MTUS2: variants seen among roughly 807,000 people sequenced by gnomAD.
MTUS2 encodes microtubule associated scaffold protein 2.
A neutral mutation model predicts 114.1 loss-of-function variants in MTUS2; 40 were observed. That is an observed-to-expected ratio of 0.35 (90% CI 0.27 to 0.46). MTUS2 has a LOEUF of 0.46. Ranked by LOEUF, MTUS2 falls within the 20% of genes least tolerant of loss-of-function variation. MTUS2 has a pLI of 1.00. For synonymous variants in MTUS2, 688 were observed against 672.0 expected, an observed-to-expected ratio of 1.02 and a Z score of -0.37; for missense variants, 1,679 against 1,705.4, an observed-to-expected ratio of 0.98 and a Z score of 0.27.
intron 2 of MTUS2, among the ~76,000 whole-genome samples, chr13:28,857,201 A>G (rs1161463): frequency 0.65 from 98,537 of 152,200 alleles, 35,148 homozygotes; most frequent in Non-Finnish European, 0.79. Flanking sequence ...TCTTACAGGG[A>G]ATGTTGTACC....
intron 2 of MTUS2, among the ~76,000 whole-genome samples, chr13:28,914,946 T>C (rs1880665474): frequency 6.6e-6 from 1 of 151,980 alleles, no homozygotes. Flanking sequence ...ATTTACTAGG[T>C]AAATTTCCTC....
chr13:29,346,437 G>A (rs931059273), intron 7 of MTUS2, among the ~76,000 whole-genome samples: 5 of 152,082 alleles, frequency 3.3e-5, no homozygotes, highest in Admixed American at 6.5e-5. Flanking sequence ...TTCCCAGGGG[G>A]ATTATGGCTG....
At chr13:28,866,738 C>G (rs557161353) in intron 2 of MTUS2, among the ~76,000 whole-genome samples, 212 of 151,994 alleles carry the variant, frequency 1.4e-3, no homozygotes, top group African/African-American at 4.3e-3. Flanking sequence ...TGAATTCAGC[C>G]TTTATTTTTG....
intron 8 of MTUS2, among the ~76,000 whole-genome samples, chr13:29,381,794 C>A (rs367547136): frequency 1.3e-5 from 2 of 152,134 alleles, no homozygotes; most frequent in African/African-American, 2.4e-5. Context: ...TCTGCACAGA[C>A]CCTTTCTCTG....
intron 5 of MTUS2, among the ~76,000 whole-genome samples, chr13:29,245,930 C>A (rs1415593316): frequency 6.6e-6 from 1 of 152,152 alleles, no homozygotes. Flanking sequence ...ATCTCCTGAG[C>A]TCGTGATCTG....
intron 5 of MTUS2, among the ~76,000 whole-genome samples, chr13:29,199,207 A>G (rs757762848): frequency 6.6e-6 from 1 of 152,034 alleles, no homozygotes; most frequent in African/African-American, 2.4e-5. Context: ...ACAAGGCTGC[A>G]GTAACCTTCC....
At chr13:29,155,210 A>G (rs1892810487) in intron 5 of MTUS2, among the ~76,000 whole-genome samples, 1 of 152,232 alleles carries the variant, frequency 6.6e-6, no homozygotes, top group South Asian at 2.1e-4. Context: ...CGATAGCGCT[A>G]AGCATGCTTT....
chr13:28,858,318 G>T (rs928885638), intron 2 of MTUS2, among the ~76,000 whole-genome samples: 2 of 152,132 alleles, frequency 1.3e-5, no homozygotes, highest in Admixed American at 1.3e-4. Flanking sequence ...AAAGAAAAAA[G>T]CATGGAATTG....
intron 2 of MTUS2, among the ~76,000 whole-genome samples, chr13:28,984,182 G>T (rs370834763): frequency 6.6e-6 from 1 of 152,164 alleles, no homozygotes; most frequent in Admixed American, 6.5e-5. Context: ...ATTCTGCATC[G>T]TGTCTTCATT....
chr13:29,108,436 A>C (rs115289598), intron 5 of MTUS2, among the ~76,000 whole-genome samples: 1,691 of 152,318 alleles, frequency 0.011, 31 homozygotes, highest in African/African-American at 0.038. Flanking sequence ...GAACATTTTT[A>C]TTTATAGTAC....
At chr13:29,464,230 G>C (rs1331398849) in intron 9 of MTUS2, among the ~76,000 whole-genome samples, 1 of 152,252 alleles carries the variant, frequency 6.6e-6, no homozygotes, top group Non-Finnish European at 1.5e-5. Flanking sequence ...ATCACTCTGT[G>C]ACTCTAAGAG....
At chr13:29,009,020 CT>C (rs985622748) in intron 2 of MTUS2, among the ~76,000 whole-genome samples, 2 of 150,586 alleles carry the variant, frequency 1.3e-5, no homozygotes, top group African/African-American at 2.4e-5. Context: ...CTCTTAGTTT[CT>C]TTTTTTTGGT....
At chr13:28,962,148 T>C (rs1883358782) in intron 2 of MTUS2, among the ~76,000 whole-genome samples, 1 of 151,962 alleles carries the variant, frequency 6.6e-6, no homozygotes, top group Non-Finnish European at 1.5e-5. Flanking sequence ...CAGATATTTT[T>C]AACAAATTGT....
At chr13:29,161,326 T>A (rs1020252148) in intron 5 of MTUS2, among the ~76,000 whole-genome samples, 1 of 152,122 alleles carries the variant, frequency 6.6e-6, no homozygotes, top group African/African-American at 2.4e-5. Flanking sequence ...GCCGTATTAA[T>A]TTCTCAAAAT....
chr13:28,945,198 C>T (rs1278240594), intron 2 of MTUS2, among the ~76,000 whole-genome samples: 1 of 146,962 alleles, frequency 6.8e-6, no homozygotes, highest in African/African-American at 2.7e-5. Flanking sequence ...TATATATACA[C>T]CACATTTTCT....
At chr13:29,206,478 T>G (rs1051883111) in intron 5 of MTUS2, among the ~76,000 whole-genome samples, 1 of 152,226 alleles carries the variant, frequency 6.6e-6, no homozygotes, top group African/African-American at 2.4e-5. Flanking sequence ...ATAAAATCCT[T>G]GCCTAAGCCA....
chr13:28,871,663 G>A (rs746558803), intron 2 of MTUS2, among the ~76,000 whole-genome samples: 9 of 152,174 alleles, frequency 5.9e-5, no homozygotes, highest in Non-Finnish European at 8.8e-5. Flanking sequence ...GGAGTCAATC[G>A]TTAACAAATA....
chr13:29,095,498 T>C (rs951284406), intron 4 of MTUS2, among the ~76,000 whole-genome samples: 1 of 147,788 alleles, frequency 6.8e-6, no homozygotes, highest in African/African-American at 2.5e-5. Context: ...ATTTACCTTA[T>C]TTGGTTTTCC....
intron 8 of MTUS2, among the ~76,000 whole-genome samples, chr13:29,431,794 G>C (rs905089844): frequency 6.6e-6 from 1 of 152,104 alleles, no homozygotes; most frequent in Non-Finnish European, 1.5e-5. Flanking sequence ...GGAGTGTGGG[G>C]AAATTTCCAG....
Sources: allele counts gnomAD v4.1 joint callset (sites outside exome capture counted in the v4.1 genomes callset), GRCh38; gene constraint gnomAD v4.1.1; transcripts MANE v1.5; gene names NCBI Gene and HGNC (gene_info 2026-07-23, HGNC 2026-07-21).